PTPRR: variants seen among roughly 807,000 people sequenced by gnomAD.
PTPRR encodes receptor-type tyrosine-protein phosphatase R.
Under a neutral mutation model 77.2 loss-of-function variants are expected in PTPRR, and 38 were observed. The ratio of observed to expected loss-of-function variants is 0.49; its 90% confidence interval spans 0.38 to 0.65. PTPRR has a LOEUF of 0.65. Among genes scored for constraint, PTPRR ranks in the 30% least tolerant of loss-of-function variants. PTPRR has a pLI of 0.00. For missense variants in PTPRR, 744 were observed against 799.2 expected (o/e 0.93, Z 0.83); for synonymous variants, 299 against 283.1 (o/e 1.06, Z -0.57).
chr12:70,760,427 C>A (rs184889477), intron 4 of PTPRR, among the ~76,000 whole-genome samples: 12 of 152,094 alleles, frequency 7.9e-5, no homozygotes, highest in Non-Finnish European at 1.3e-4. Flanking sequence ...GCTTTTTATA[C>A]CACACCTGTG....
intron 2 of PTPRR, among the ~76,000 whole-genome samples, chr12:70,850,850 C>A (rs990601449): frequency 6.6e-6 from 1 of 152,170 alleles, no homozygotes; most frequent in African/African-American, 2.4e-5. Flanking sequence ...CCCTACATTG[C>A]TTTGCACACA....
chr12:70,784,005 G>A (rs925832600), intron 2 of PTPRR, among the ~76,000 whole-genome samples: 3 of 152,124 alleles, frequency 2.0e-5, no homozygotes, highest in African/African-American at 2.4e-5. Flanking sequence ...GGAGAAGCCC[G>A]GCAACAGAGA....
chr12:70,782,989 C>A (rs1891236284), intron 2 of PTPRR, among the ~76,000 whole-genome samples: 1 of 152,110 alleles, frequency 6.6e-6, no homozygotes, highest in Non-Finnish European at 1.5e-5. Flanking sequence ...TCACCTGGCA[C>A]ATGGGAATGG....
intron 2 of PTPRR, among the ~76,000 whole-genome samples, chr12:70,817,805 T>C (rs1207666555): frequency 1.3e-5 from 2 of 152,220 alleles, no homozygotes; most frequent in Non-Finnish European, 2.9e-5. Context: ...CACATATAAC[T>C]TAAGATGTCA....
At chr12:70,674,797 G>A (rs534475639) in intron 10 of PTPRR, among the ~76,000 whole-genome samples, 1 of 151,906 alleles carries the variant, frequency 6.6e-6, no homozygotes, top group African/African-American at 2.4e-5. Context: ...TTTATTTTTT[G>A]TCTGCTTAAT....
rs1057273686 is a variant in PTPRR, at chr12:70,835,887, C to T, written c.357+56792G>A. On this transcript the variant is annotated intron_variant, in intron 2 of 13. Coordinates refer to ENST00000283228, the MANE Select transcript of PTPRR (RefSeq NM_002849.4). ...CCCCAGTACACTTATTTCATTGAAACGGTAGCTCAGTAAACTCCTACTTAG... is the reference window on the plus strand; with the variant it reads ...CCCCAGTACACTTATTTCATTGAAATGGTAGCTCAGTAAACTCCTACTTAG... 5.3e-5 allele frequency among the ~76,000 whole-genome samples: 8 copies of T among 152,058 alleles called. No individual in the cohort carries two copies. In the East Asian group the frequency reaches 5.8e-4, roughly 11 times the overall value.
intron 2 of PTPRR, among the ~76,000 whole-genome samples, chr12:70,854,170 A>T (rs1031494860): frequency 1.3e-5 from 2 of 152,188 alleles, no homozygotes; most frequent in Non-Finnish European, 2.9e-5. Flanking sequence ...TTTTCTTTCC[A>T]TGACCACCAA....
intron 2 of PTPRR, among the ~76,000 whole-genome samples, chr12:70,854,818 A>C (rs1323566942): frequency 1.3e-5 from 2 of 152,208 alleles, no homozygotes; most frequent in African/African-American, 4.8e-5. Context: ...TTTACCTGTT[A>C]AGCGTTTGTT....
chr12:70,812,070 T>A (rs1319311332), intron 2 of PTPRR, among the ~76,000 whole-genome samples: 2 of 152,246 alleles, frequency 1.3e-5, no homozygotes, highest in African/African-American at 2.4e-5. Context: ...GATCCCTCAG[T>A]CTTTCTGCTA....
At chr12:70,818,235 C>CA (rs34025995) in intron 2 of PTPRR, among the ~76,000 whole-genome samples, 14,608 of 67,972 alleles carry the variant, frequency 0.21, 1,283 homozygotes, top group Non-Finnish European at 0.29. Context: ...AACTCCGTCT[C>CA]AAAAAAAAAA....
At position 70,684,178 on chromosome 12, in the gene PTPRR, C is replaced by T. The variant is rs1295507798; in HGVS notation, c.1446G>A (p.Gln482=). 1.2e-6 allele frequency: 2 copies of T among 1,614,032 alleles called. No individual in the cohort carries two copies. The highest frequency in any genetic ancestry group is 2.2e-5 in the East Asian group (1 of 44,874). The part of the protein sequence containing the change: ...TVDDFWQMVW[Q]EDSPVIVMIT... ...TCATAACAATCACAGGGCTGTCTTC[C>T]TGCCAAACCATCTGCCAGAAATCAT... Residue 482 remains glutamine (Q), a synonymous_variant, in exon 10 of 14, where the codon CAG becomes CAA. Transcript: ENST00000283228.
intron 6 of PTPRR, among the ~76,000 whole-genome samples, chr12:70,711,909 T>G (rs1026096572): frequency 5.9e-5 from 9 of 152,142 alleles, no homozygotes; most frequent in African/African-American, 2.2e-4. Context: ...TCTCCAGAGT[T>G]TCTCCAAATG....
intron 1 of PTPRR, among the ~76,000 whole-genome samples, chr12:70,913,925 G>A (rs1334501431): frequency 6.6e-6 from 1 of 152,132 alleles, no homozygotes; most frequent in Non-Finnish European, 1.5e-5. Flanking sequence ...TAGGGAATAA[G>A]TATATAGAAA....
At chr12:70,677,424 A>G (rs1010444573) in intron 10 of PTPRR, among the ~76,000 whole-genome samples, 3 of 152,170 alleles carry the variant, frequency 2.0e-5, no homozygotes, top group Non-Finnish European at 4.4e-5. Flanking sequence ...TTGCCTGATT[A>G]CTCTGGCTAG....
chr12:70,705,014 G>T (rs1218781829), intron 6 of PTPRR, among the ~76,000 whole-genome samples: 1 of 151,932 alleles, frequency 6.6e-6, no homozygotes, highest in Non-Finnish European at 1.5e-5. Flanking sequence ...ATAAATAAGA[G>T]GGAGGAAATT....
At chr12:70,862,578 T>G in intron 2 of PTPRR, among the ~76,000 whole-genome samples, 1 of 109,012 alleles carries the variant, frequency 9.2e-6, no homozygotes, top group African/African-American at 3.7e-5. Context: ...CATCACACTC[T>G]GGGGACTGTT....
intron 2 of PTPRR, among the ~76,000 whole-genome samples, chr12:70,862,896 C>T (rs1565721976): frequency 1.3e-5 from 2 of 152,084 alleles, no homozygotes; most frequent in Non-Finnish European, 2.9e-5. Flanking sequence ...GATCAATCAA[C>T]TTATGTTTTA....
At chr12:70,719,828 G>A (rs1425158422) in intron 6 of PTPRR, among the ~76,000 whole-genome samples, 1 of 152,194 alleles carries the variant, frequency 6.6e-6, no homozygotes, top group East Asian at 1.9e-4. Context: ...GGATTGGTAC[G>A]TGGCCCTTTC....
intron 2 of PTPRR, among the ~76,000 whole-genome samples, chr12:70,840,636 A>G (rs1477742284): frequency 6.6e-6 from 1 of 152,174 alleles, no homozygotes; most frequent in African/African-American, 2.4e-5. Context: ...TAAGAGAGTG[A>G]ACAACTGGGA....
Sources: gnomAD v4.1 joint callset for allele counts (sites outside exome capture counted in the v4.1 genomes callset) on GRCh38, gnomAD v4.1.1 for gene constraint, MANE v1.5 for transcripts, NCBI Gene and HGNC (gene_info 2026-07-23, HGNC 2026-07-21) for gene names.